Variants in OTOGL observed in about 807,000 individuals in gnomAD.
OTOGL encodes otogelin-like protein.
OTOGL carries 285 observed loss-of-function variants against 318.5 expected under a neutral mutation model. That is an observed-to-expected ratio of 0.89 (90% CI 0.81 to 0.99). The LOEUF is 0.99. Among genes scored for constraint, OTOGL ranks in the 50% least tolerant of loss-of-function variants. The pLI, the probability that OTOGL is intolerant of heterozygous loss-of-function variation, is 0.00. For synonymous variants in OTOGL, 987 were observed against 936.5 expected, an observed-to-expected ratio of 1.05 and a Z score of -0.99; for missense variants, 2,899 against 2,845.6, an observed-to-expected ratio of 1.02 and a Z score of -0.43.
chr12:80,271,813 A>G lies in OTOGL; in HGVS notation c.2681+3A>G. 6.2e-7 allele frequency: 1 copy of G among 1,610,532 alleles called. No homozygotes were observed. The highest frequency in any genetic ancestry group is 1.7e-5 in the Admixed American group (1 of 59,500). ...AGTGGCTGTGTTTGTGCTCCAGGGT[A>G]AGCCTCTTCTTCATAATACAGAACA... On this transcript the variant is annotated splice_donor_region_variant and intron_variant, in intron 24 of 58. Transcript: ENST00000547103.
chr12:80,115,739 A>G (rs1870119559), intron 1 of OTOGL, among the ~76,000 whole-genome samples: 1 of 152,124 alleles, frequency 6.6e-6, no homozygotes, highest in African/African-American at 2.4e-5. Context: ...TTTTTCAGAG[A>G]TGCCCTTCCC....
At chr12:80,351,623 A>G (rs1889557687) in intron 44 of OTOGL, among the ~76,000 whole-genome samples, 1 of 152,168 alleles carries the variant, frequency 6.6e-6, no homozygotes, top group African/African-American at 2.4e-5. Context: ...TAGATGGACT[A>G]TGAAAAAATA....
At chr12:80,336,776 T>C in intron 40 of OTOGL, 21 bp from the exon 41 acceptor site, 2 of 1,497,878 alleles carry the variant, frequency 1.3e-6, no homozygotes, top group Non-Finnish European at 1.8e-6. Context: ...CATTTAAAAG[T>C]ATTTCTTTTT....
chr12:80,243,749 C>T (rs1385644646), intron 11 of OTOGL, among the ~76,000 whole-genome samples: 1 of 149,244 alleles, frequency 6.7e-6, no homozygotes, highest in Non-Finnish European at 1.5e-5. Flanking sequence ...AGCCCTTAGA[C>T]TATAGAATTA....
In OTOGL at chr12:80,224,824, G is replaced by A. The variant is rs115255281; in HGVS notation, c.489+2579G>A. 6.3e-3 allele frequency among the ~76,000 whole-genome samples: 963 copies of A among 152,006 alleles called. 13 individuals are homozygous for A. The highest frequency in any genetic ancestry group is 0.022 in the African/African-American group (913 of 41,506). On this transcript the variant is annotated intron_variant, in intron 7 of 58. Coordinates refer to ENST00000547103, the MANE Select transcript of OTOGL (RefSeq NM_001378609.3). ...TAAGGCTACAAATCTTCGTGACCCA[G>A]AGAAGAAGCACAACTGGGTGACTAT...
intron 26 of OTOGL, among the ~76,000 whole-genome samples, chr12:80,283,437 CT>C (rs1884382105): frequency 6.6e-6 from 1 of 151,948 alleles, no homozygotes; most frequent in Non-Finnish European, 1.5e-5. Flanking sequence ...TCACAGTTAT[CT>C]GTCCTGTTCT....
intron 1 of OTOGL, among the ~76,000 whole-genome samples, chr12:80,116,624 G>T (rs1225194728): frequency 6.6e-6 from 1 of 152,100 alleles, no homozygotes. Context: ...AAAAAGTGAG[G>T]CAAAAGCTTA....
chr12:80,320,074 A>G (rs1887221617), intron 33 of OTOGL, among the ~76,000 whole-genome samples: 1 of 152,154 alleles, frequency 6.6e-6, no homozygotes, highest in Non-Finnish European at 1.5e-5. Context: ...ACGCAAATAT[A>G]TGTCCAATTA....
intron 1 of OTOGL, among the ~76,000 whole-genome samples, chr12:80,206,646 A>T (rs557516119): frequency 1.3e-5 from 2 of 151,438 alleles, no homozygotes; most frequent in Non-Finnish European, 2.9e-5. Context: ...AGTAGCTGGG[A>T]CTACAGGAGC....
intron 27 of OTOGL, among the ~76,000 whole-genome samples, chr12:80,300,577 C>A (rs1230595722): frequency 6.6e-6 from 1 of 152,092 alleles, no homozygotes. Flanking sequence ...GAGCATTAAA[C>A]CCCAAGAGGG....
rs780809443 is a variant in OTOGL at position 80,353,341 on chromosome 12, G to T, written c.5424G>T (p.Glu1808Asp). The part of the protein sequence containing the change: ...TPDYCSLSCP[E>D]GKEYQPCVRP... ...TCTTCAAAGCCCTGAGTTGCCCAGA[G>T]GGGAAGGAATATCAACCCTGTGTGC... The change falls in exon 46 of 59, where the codon GAG becomes GAT. Residue 1808 changes from glutamate (E) to aspartate (D), a missense_variant. This residue lies in a region of OTOGL where 2,607 missense variants were observed against 2,524.9 expected (regional missense o/e 1.03). Coordinates refer to ENST00000547103, the MANE Select transcript of OTOGL (RefSeq NM_001378609.3). The T allele has an allele frequency of 6.3e-7, 1 of 1,575,214 alleles. No individual in the cohort carries two copies. The highest frequency in any genetic ancestry group is 8.6e-7 in the Non-Finnish European group (1 of 1,159,248).
rs1870130815 is a variant in OTOGL, at chr12:80,115,912, C to G, written c.-20+16307C>G. On this transcript the variant is annotated intron_variant, in intron 1 of 58. Coordinates refer to ENST00000547103, the MANE Select transcript of OTOGL (RefSeq NM_001378609.3). ...GGACACCCCTCCCCCCACCAAGCTT[C>G]AGTGTCCCAAGTTGACTTCAGACTG... 3.3e-5 allele frequency among the ~76,000 whole-genome samples: 5 copies of G among 152,196 alleles called. No homozygotes were observed. The South Asian group carries it at 1.0e-3, about 31-fold the overall frequency.
chr12:80,213,755 A>T (rs1289686577), intron 4 of OTOGL, among the ~76,000 whole-genome samples: 1 of 152,136 alleles, frequency 6.6e-6, no homozygotes, highest in Non-Finnish European at 1.5e-5. Flanking sequence ...GCTAGAAAAC[A>T]TGTGTCAAAA....
chr12:80,199,649 T>C (rs940785942), intron 1 of OTOGL, among the ~76,000 whole-genome samples: 1 of 152,198 alleles, frequency 6.6e-6, no homozygotes, highest in African/African-American at 2.4e-5. Context: ...AGAACTTATA[T>C]TAATAATTAT....
At chr12:80,111,474 A>G (rs925866159) in intron 1 of OTOGL, among the ~76,000 whole-genome samples, 15 of 152,190 alleles carry the variant, frequency 9.9e-5, no homozygotes, top group African/African-American at 3.4e-4. Flanking sequence ...ATGGCTGGCT[A>G]GTTTTCCCAA....
At chr12:80,374,344 A>T (rs891110986) in intron 57 of OTOGL, among the ~76,000 whole-genome samples, 1 of 152,194 alleles carries the variant, frequency 6.6e-6, no homozygotes, top group African/African-American at 2.4e-5. Context: ...CCCTGCAAAG[A>T]TCTTGTGTCC....
intron 11 of OTOGL, among the ~76,000 whole-genome samples, chr12:80,240,107 A>AT (rs965742776): frequency 3.9e-5 from 6 of 151,940 alleles, no homozygotes; most frequent in Admixed American, 6.6e-5. Flanking sequence ...ATATACCACA[A>AT]TTTTTTTTAT....
chr12:80,314,060 T>C (rs1423140436), intron 31 of OTOGL, among the ~76,000 whole-genome samples: 1 of 152,168 alleles, frequency 6.6e-6, no homozygotes, highest in Non-Finnish European at 1.5e-5. Context: ...ACTTACAATT[T>C]GAACACTTTC....
chr12:80,239,773 C>T (rs1303666174), intron 11 of OTOGL, among the ~76,000 whole-genome samples: 1 of 152,018 alleles, frequency 6.6e-6, no homozygotes, highest in African/African-American at 2.4e-5. Flanking sequence ...CTGAAATATA[C>T]AATTGATTAA....
Sources: allele counts gnomAD v4.1 joint callset (sites outside exome capture counted in the v4.1 genomes callset), GRCh38; gene constraint gnomAD v4.1.1; regional missense constraint gnomAD v4.1.1; transcripts MANE v1.5; gene names NCBI Gene and HGNC (gene_info 2026-07-23, HGNC 2026-07-21).